IL6ST: variants seen among roughly 807,000 people sequenced by gnomAD.
IL6ST encodes the protein interleukin-6 receptor subunit beta.
Under a neutral mutation model 91.3 loss-of-function variants are expected in IL6ST, and 24 were observed. That is an observed-to-expected ratio of 0.26 (90% confidence interval 0.19 to 0.37). The LOEUF is 0.37. Ranked by LOEUF, IL6ST falls within the 10% of genes least tolerant of loss-of-function variation. The pLI, the probability that IL6ST is intolerant of heterozygous loss-of-function variation, is 1.00. For synonymous variants in IL6ST, 351 were observed against 373.6 expected, an observed-to-expected ratio of 0.94 and a Z score of 0.70; for missense variants, 914 against 1,078.5, an observed-to-expected ratio of 0.85 and a Z score of 2.14.
intron 1 of IL6ST, among the ~76,000 whole-genome samples, chr5:55,986,442 T>A (rs1753975281): frequency 6.6e-6 from 1 of 152,190 alleles, no homozygotes; most frequent in African/African-American, 2.4e-5. Context: ...CCATTCTTTT[T>A]TGTTTAATCT....
chr5:55,979,408 T>C (rs1753513898), intron 2 of IL6ST, among the ~76,000 whole-genome samples: 1 of 152,210 alleles, frequency 6.6e-6, no homozygotes, highest in Non-Finnish European at 1.5e-5. Context: ...TGTATCTTGA[T>C]CTGGACAGTG....
chr5:55,974,950 CACACAT>C (rs1019184246), intron 3 of IL6ST, among the ~76,000 whole-genome samples: 6 of 148,176 alleles, frequency 4.0e-5, no homozygotes, highest in East Asian at 1.9e-4. Context: ...CACACACACA[CACACAT>C]ACACACACAC....
At chr5:55,975,461 AT>A (rs1348218756) in intron 3 of IL6ST, among the ~76,000 whole-genome samples, 1 of 152,054 alleles carries the variant, frequency 6.6e-6, no homozygotes, top group Non-Finnish European at 1.5e-5. Flanking sequence ...CTGTGAATCA[AT>A]TAAACCTTTT....
chr5:55,954,748 G>T lies in IL6ST; in HGVS notation c.1450+62C>A. ...ACGGACCAAAACACTATAAGCAAAAGAAAAAGCTGCCTAAAGAGTTAGAAA... is the reference window on the plus strand; with the variant it reads ...ACGGACCAAAACACTATAAGCAAAATAAAAAGCTGCCTAAAGAGTTAGAAA... On this transcript the variant is annotated intron_variant, in intron 11 of 16. Coordinates refer to ENST00000381298, the MANE Select transcript of IL6ST (RefSeq NM_002184.4). 3.0e-6 allele frequency: 4 copies of T among 1,319,462 alleles called. No individual in the cohort carries two copies. The South Asian group carries it at 4.3e-5, about 14-fold the overall frequency. The allele number at this position is 1,319,462 out of a possible 1,614,324, so 81.7% of individuals were successfully genotyped here.
intron 14 of IL6ST, among the ~76,000 whole-genome samples, chr5:55,949,587 A>G (rs10471961): frequency 0.051 from 7,819 of 152,208 alleles, 709 homozygotes; most frequent in African/African-American, 0.18. Flanking sequence ...AAATACATAA[A>G]ATATACATTT....
rs764093325 is a variant in IL6ST, at chr5:55,941,513, C to T, written c.2326G>A (p.Val776Ile). The change falls in exon 17 of 17, where the codon GTC (valine) becomes ATC (isoleucine). Residue 776 changes from valine to isoleucine, a missense_variant. Coordinates refer to ENST00000381298, the MANE Select transcript of IL6ST (RefSeq NM_002184.4). ...TGGGTAGACTCGGATCTTGAGAAGA[C>T]TTGGACTGACGGAACTTGGTGTCTG... is the stretch of plus-strand genomic sequence containing the variant. ...GYRHQVPSVQ[V>I]FSRSESTQPL... 1 of 1,614,152 alleles carries T rather than the reference C, an allele frequency of 6.2e-7. No individual in the cohort carries two copies. Among genetic ancestry groups the T allele is most frequent in the Non-Finnish European group, 8.5e-7 (1 of 1,180,002 alleles).
At chr5:55,968,017 G>A (rs1580832954) in intron 5 of IL6ST, among the ~76,000 whole-genome samples, 2 of 152,042 alleles carry the variant, frequency 1.3e-5, no homozygotes, top group African/African-American at 4.8e-5. Context: ...GGCTGGTCTC[G>A]AACTCCTGAC....
chr5:55,979,059 A>G (rs1309114157), intron 2 of IL6ST, among the ~76,000 whole-genome samples: 1 of 152,170 alleles, frequency 6.6e-6, no homozygotes, highest in African/African-American at 2.4e-5. Context: ...CAACAGATAC[A>G]TGCATCATGG....
At chr5:55,984,111 T>C (rs1475706085) in intron 1 of IL6ST, among the ~76,000 whole-genome samples, 1 of 152,168 alleles carries the variant, frequency 6.6e-6, no homozygotes. Flanking sequence ...GGCTTTAAGT[T>C]CTCTCTTGCA....
Position 55,951,950 on chromosome 5 carries a change from T to C in IL6ST, c.1678A>G (p.Thr560Ala), listed in dbSNP as rs1306655193. The C allele has an allele frequency of 6.8e-7, 1 of 1,480,710 alleles. No individual in the cohort carries two copies. Among genetic ancestry groups the C allele is most frequent in the Non-Finnish European group, 9.4e-7 (1 of 1,063,852 alleles). 91.7% of individuals were successfully genotyped at this position (1,480,710 alleles called of 1,614,324 possible). Residue 560 changes from threonine (T) to alanine (A), a missense_variant, in exon 13 of 17, where the codon ACC becomes GCC. Coordinates refer to ENST00000381298, the MANE Select transcript of IL6ST (RefSeq NM_002184.4). ...TTACCAGTTTCATTTCCAATGATGG[T>C]TCTATAAAATATAGTATAATTTCTG... ...FIRNYTIFYRTIIGNETAVNV... is the reference protein window; with the variant it reads ...FIRNYTIFYRAIIGNETAVNV...
Position 55,976,309 on chromosome 5 carries a change from GTAATATTAC to G in IL6ST, c.-15-25_-15-17del. On this transcript the variant is annotated splice_polypyrimidine_tract_variant and intron_variant, in intron 2 of 16. Transcript: ENST00000381298. ...GCGGATATTTCTGCAACAGACACATGTAATATTACTTTTAATATTTTTTCTCTTATATAC... is the reference window on the plus strand; with the variant it reads ...GCGGATATTTCTGCAACAGACACATGTTTTAATATTTTTTCTCTTATATAC... The G allele has an allele frequency of 1.4e-6, 2 of 1,471,850 alleles. No homozygotes were observed. Among genetic ancestry groups the G allele is most frequent in the Non-Finnish European group, 1.9e-6 (2 of 1,075,826 alleles). The allele number at this position is 1,471,850 out of a possible 1,614,324, so 91.2% of individuals were successfully genotyped here. A position where few individuals can be genotyped will look rare whatever the true frequency, so the allele number is the denominator to read the frequency against.
intron 9 of IL6ST, 63 bp downstream of exon 9, chr5:55,957,146 G>T: frequency 1.2e-6 from 1 of 822,736 alleles, no homozygotes; most frequent in Admixed American, 2.7e-5. Flanking sequence ...AATGGAGCGA[G>T]ACTCGGTTTC....
At chr5:55,953,042 C>A (rs1408830819) in intron 11 of IL6ST, among the ~76,000 whole-genome samples, 3 of 152,124 alleles carry the variant, frequency 2.0e-5, no homozygotes, top group Non-Finnish European at 4.4e-5. Context: ...GCCTGGGCGA[C>A]AGAGTGAGAC....
In IL6ST at chr5:55,960,558, G is replaced by A. The variant is rs1353943002; in HGVS notation, c.817C>T (p.Pro273Ser). 1 of 1,609,584 alleles carries A rather than the reference G, an allele frequency of 6.2e-7. No individual in the cohort carries two copies. Among genetic ancestry groups the A allele is most frequent in the Non-Finnish European group, 8.5e-7 (1 of 1,178,412 alleles). The change falls in exon 8 of 17, where the codon CCT becomes TCT. Residue 273 changes from proline (P) to serine (S), a missense_variant. Pro to Ser is a moderately conservative substitution (Grantham distance 74). Coordinates refer to ENST00000381298, the MANE Select transcript of IL6ST (RefSeq NM_002184.4). ...TKDASTWSQI[P>S]PEDTASTRSS... Reference sequence around the variant, plus strand: ...CGGGTGGATGCTGTGTCTTCAGGAGGAATCTGAAACAAAGCAAACCAAACA... The same window carrying A: ...CGGGTGGATGCTGTGTCTTCAGGAGAAATCTGAAACAAAGCAAACCAAACA...
rs1750860698 is a variant in IL6ST at position 55,940,909 on chromosome 5, C to T, written c.*173G>A. The T allele has an allele frequency of 4.9e-6, 3 of 617,608 alleles. No homozygotes were observed. Among genetic ancestry groups the T allele is most frequent in the East Asian group, 5.6e-5 (2 of 35,660 alleles). 38.3% of individuals were successfully genotyped at this position (617,608 alleles called of 1,614,324 possible). On this transcript the variant is annotated 3_prime_UTR_variant, in exon 17 of 17. Transcript: ENST00000381298. ...TTATGTAGTGCTTAAAGTAGAATCC[C>T]AGATATTCTGGAATGGAAATAGCTC...
intron 15 of IL6ST, among the ~76,000 whole-genome samples, chr5:55,946,615 G>A (rs967772336): frequency 1.4e-4 from 21 of 151,978 alleles, no homozygotes; most frequent in African/African-American, 4.6e-4. Flanking sequence ...TCCGGAGTTC[G>A]AGACCAGCCT....
chr5:55,937,987 A>G lies in IL6ST; in HGVS notation c.*3095T>C, dbSNP rs1200599768. On this transcript the variant is annotated 3_prime_UTR_variant, in exon 17 of 17. Coordinates refer to ENST00000381298, the MANE Select transcript of IL6ST (RefSeq NM_002184.4). The stretch of plus-strand genomic sequence containing the variant: ...AATTCTATGATTATTCTACTTCTAC[A>G]TTTACATGTCATGGTTTTAACTAGT... The G allele has an allele frequency of 5.2e-6, 1 of 193,206 alleles. No homozygotes were observed. The highest frequency in any genetic ancestry group is 8.2e-5 in the East Asian group (1 of 12,180). 12.0% of individuals were successfully genotyped at this position (193,206 alleles called of 1,614,324 possible). A position where few individuals can be genotyped will look rare whatever the true frequency, so the allele number is the denominator to read the frequency against.
intron 3 of IL6ST, among the ~76,000 whole-genome samples, chr5:55,975,581 C>T (rs1232632366): frequency 6.6e-6 from 1 of 152,018 alleles, no homozygotes; most frequent in Non-Finnish European, 1.5e-5. Context: ...GCTTTGTTGC[C>T]CAGACTGAAT....
chr5:55,979,645 T>C (rs1753527089), intron 2 of IL6ST, among the ~76,000 whole-genome samples: 1 of 152,236 alleles, frequency 6.6e-6, no homozygotes, highest in Non-Finnish European at 1.5e-5. Context: ...TTGAACACTT[T>C]AAAAATGGTC....
Sources: gnomAD v4.1 joint callset for allele counts (sites outside exome capture counted in the v4.1 genomes callset) on GRCh38, gnomAD v4.1.1 for gene constraint, MANE v1.5 for transcripts, NCBI Gene and HGNC (gene_info 2026-07-23, HGNC 2026-07-21) for gene names.